Variants in PRRX1 observed in about 807,000 individuals in gnomAD.
PRRX1 encodes the protein paired mesoderm homeobox protein 1.
In PRRX1, 8 loss-of-function variants were observed where a neutral mutation model predicts 24.0. The observed-to-expected ratio is 0.33, with a 90% CI of 0.20 to 0.60. The LOEUF (loss-of-function observed/expected upper bound fraction) is 0.60, where lower values mean the gene tolerates loss of function less well. PRRX1 is among the 20% of genes least tolerant of loss of function. The pLI is 0.82. For synonymous variants in PRRX1, 160 were observed against 131.7 expected, an observed-to-expected ratio of 1.22 and a Z score of -1.47; for missense variants, 281 against 322.4, an observed-to-expected ratio of 0.87 and a Z score of 0.98.
intron 3 of PRRX1, among the ~76,000 whole-genome samples, chr1:170,733,822 G>A (rs1210883523): frequency 6.6e-6 from 1 of 152,040 alleles, no homozygotes; most frequent in Non-Finnish European, 1.5e-5. Flanking sequence ...TAGGTTTTGT[G>A]GGTTTACATA....
chr1:170,731,999 T>C (rs1187697304), intron 3 of PRRX1, among the ~76,000 whole-genome samples: 3 of 152,218 alleles, frequency 2.0e-5, no homozygotes, highest in South Asian at 4.1e-4. Context: ...CCAGAACTTA[T>C]GTCTGTACCC....
chr1:170,664,687 G>T (rs1652853250), intron 1 of PRRX1, among the ~76,000 whole-genome samples: 1 of 152,232 alleles, frequency 6.6e-6, no homozygotes, highest in African/African-American at 2.4e-5. Context: ...TCCAAGGTCC[G>T]GGGACACTCC....
intron 1 of PRRX1, among the ~76,000 whole-genome samples, chr1:170,705,917 G>GACACAC (rs72161621): frequency 0.025 from 3,095 of 123,634 alleles, 70 homozygotes; most frequent in East Asian, 0.083. Flanking sequence ...TACCCACATA[G>GACACAC]ACACACACAC....
chr1:170,738,165 A>G lies in PRRX1; in HGVS notation c.*1979A>G, dbSNP rs1013944305. On this transcript the variant is annotated 3_prime_UTR_variant, in exon 4 of 4. Coordinates refer to ENST00000239461, the MANE Select transcript of PRRX1 (RefSeq NM_022716.4). ...ATTTTTAGTTGTGAGTGATTAAAAA[A>G]CTTTGGATCAATTTTGGTCAAACAT... 4.1e-5 allele frequency: 9 copies of G among 220,676 alleles called. No individual in the cohort carries two copies. Among genetic ancestry groups the G allele is most frequent in the African/African-American group, 1.8e-4 (8 of 44,648 alleles). The allele number at this position is 220,676 out of a possible 1,614,324, so 13.7% of individuals were successfully genotyped here.
intron 1 of PRRX1, among the ~76,000 whole-genome samples, chr1:170,705,917 G>GACACACAC (rs72161621): frequency 0.013 from 1,608 of 123,702 alleles, 19 homozygotes; most frequent in East Asian, 0.022. Flanking sequence ...TACCCACATA[G>GACACACAC]ACACACACAC....
intron 1 of PRRX1, 133 bp from the exon 2 acceptor site, chr1:170,719,593 C>T: frequency 1.0e-6 from 1 of 994,190 alleles, no homozygotes; most frequent in South Asian, 1.4e-5. Flanking sequence ...TGCAAAGTGG[C>T]ATTTGGCTAT....
chr1:170,736,704 T>C lies in PRRX1; in HGVS notation c.*518T>C, dbSNP rs1369184743. 1 of 195,418 alleles carries C rather than the reference T, an allele frequency of 5.1e-6. No individual in the cohort carries two copies. The highest frequency in any genetic ancestry group is 1.1e-5 in the Non-Finnish European group (1 of 93,430). 12.1% of individuals were successfully genotyped at this position (195,418 alleles called of 1,614,324 possible). A position where few individuals can be genotyped will look rare whatever the true frequency, so the allele number is the denominator to read the frequency against. On this transcript the variant is annotated 3_prime_UTR_variant, in exon 4 of 4. Coordinates refer to ENST00000239461, the MANE Select transcript of PRRX1 (RefSeq NM_022716.4). ...CAAAGTCTTTCTGAAGAATCTGTGC[T>C]GGACAGACATAATTCCCTTTCTCAT...
Position 170,730,245 on chromosome 1 carries a change from C to A in PRRX1, c.599+3844C>A, listed in dbSNP as rs759295606. On this transcript the variant is annotated intron_variant, in intron 3 of 3. Coordinates refer to ENST00000239461, the MANE Select transcript of PRRX1 (RefSeq NM_022716.4). The stretch of plus-strand genomic sequence containing the variant: ...CCTGACATCTGCTGAACGCATTTGG[C>A]TTATTTCTCCCTTTCACACTTTCAA... The A allele has an allele frequency of 3.8e-6, 6 of 1,559,818 alleles. No individual in the cohort carries two copies. In the South Asian group the frequency reaches 6.7e-5, roughly 17 times the overall value.
upstream of PRRX1, chr1:170,663,421 G>C (rs1652793882): frequency 2.6e-5 from 1 of 37,806 alleles, no homozygotes; most frequent in Admixed American, 3.4e-4. Context: ...CAAGAAGAGG[G>C]GGAGAGAGAG....
chr1:170,698,033 A>G (rs1000909619), intron 1 of PRRX1, among the ~76,000 whole-genome samples: 1 of 151,950 alleles, frequency 6.6e-6, no homozygotes, highest in African/African-American at 2.4e-5. Context: ...ATCATTTGTT[A>G]AACACTATGA....
chr1:170,723,208 T>G (rs1175372693), intron 2 of PRRX1, among the ~76,000 whole-genome samples: 3 of 152,214 alleles, frequency 2.0e-5, no homozygotes, highest in Non-Finnish European at 2.9e-5. Flanking sequence ...CAAGTCCAGA[T>G]TCCACCTTGG....
At chr1:170,682,704 T>A (rs1414801059) in intron 1 of PRRX1, among the ~76,000 whole-genome samples, 3 of 152,158 alleles carry the variant, frequency 2.0e-5, no homozygotes, top group African/African-American at 4.8e-5. Context: ...GTGAATAAAA[T>A]AAACACGTTG....
intron 1 of PRRX1, among the ~76,000 whole-genome samples, chr1:170,696,995 G>A (rs771245692): frequency 6.6e-6 from 1 of 152,132 alleles, no homozygotes; most frequent in Admixed American, 6.6e-5. Flanking sequence ...ATCTACAAGC[G>A]ATAGCCCTGT....
intron 1 of PRRX1, among the ~76,000 whole-genome samples, chr1:170,712,392 C>T (rs1332734254): frequency 1.3e-5 from 2 of 152,060 alleles, no homozygotes; most frequent in Admixed American, 6.6e-5. Flanking sequence ...TTTCCAGTTT[C>T]CTAGTTCTGT....
intron 3 of PRRX1, chr1:170,728,288 A>G (rs988896777): frequency 1.3e-5 from 2 of 152,226 alleles, no homozygotes; most frequent in Non-Finnish European, 2.9e-5. Flanking sequence ...TGTTTAGTAT[A>G]TGGACATCTA....
intron 1 of PRRX1, among the ~76,000 whole-genome samples, chr1:170,699,269 G>A (rs998908753): frequency 6.6e-6 from 1 of 152,142 alleles, no homozygotes; most frequent in African/African-American, 2.4e-5. Context: ...CTGTGGAAAA[G>A]ACTTTTCTGT....
At chr1:170,706,864 C>T (rs968095003) in intron 1 of PRRX1, among the ~76,000 whole-genome samples, 2 of 152,054 alleles carry the variant, frequency 1.3e-5, no homozygotes, top group Non-Finnish European at 1.5e-5. Flanking sequence ...CACAGTGGCT[C>T]ACACCTGTAA....
intron 1 of PRRX1, among the ~76,000 whole-genome samples, chr1:170,677,979 T>C (rs978611510): frequency 6.6e-6 from 1 of 152,220 alleles, no homozygotes; most frequent in African/African-American, 2.4e-5. Context: ...AGTAAATTTC[T>C]GGAGGCCAAC....
At chr1:170,669,425 C>CAAAAAAAGAAAAAAAAAAAAA (rs1653064296) in intron 1 of PRRX1, 1 of 22,298 alleles carries the variant, frequency 4.5e-5, no homozygotes, top group African/African-American at 2.7e-4. Flanking sequence ...CTCCCCACTG[C>CAAAAAAAGAAAAAAAAAAAAA]AAAAAAAAAA....
Sources: allele counts gnomAD v4.1 joint callset (sites outside exome capture counted in the v4.1 genomes callset), GRCh38; gene constraint gnomAD v4.1.1; transcripts MANE v1.5; gene names NCBI Gene and HGNC (gene_info 2026-07-23, HGNC 2026-07-21).